Variants in SNRPN observed in about 807,000 individuals in gnomAD.
SNRPN encodes small nuclear ribonucleoprotein-associated protein N.
Under a neutral mutation model 25.2 loss-of-function variants are expected in SNRPN, and 7 were observed. The ratio of observed to expected loss-of-function variants is 0.28; its 90% confidence interval spans 0.16 to 0.52. SNRPN has a LOEUF of 0.52. Ranked by LOEUF, SNRPN falls within the 20% of genes least tolerant of loss-of-function variation. The probability of loss-of-function intolerance (pLI) is 0.96; values close to 1 mark genes in which losing one functional copy is unlikely to be tolerated. For missense variants in SNRPN, 196 were observed against 322.5 expected (o/e 0.61, Z 3.00); for synonymous variants, 124 against 110.6 (o/e 1.12, Z -0.76).
At chr15:24,957,888 C>G (rs2063184498) in intron 1 of SNRPN, among the ~76,000 whole-genome samples, 2 of 152,072 alleles carry the variant, frequency 1.3e-5, no homozygotes, top group South Asian at 4.1e-4. Context: ...TATGGCAGAT[C>G]CCTTTGGAAA....
chr15:24,872,078 A>G (rs1298214891), intron 1 of SNRPN, among the ~76,000 whole-genome samples: 1 of 120,294 alleles, frequency 8.3e-6, no homozygotes, highest in Non-Finnish European at 1.8e-5. Flanking sequence ...TAAAAAATAG[A>G]TGAATTTATC....
At chr15:24,957,731 T>C (rs972187269) in intron 1 of SNRPN, among the ~76,000 whole-genome samples, 1 of 152,140 alleles carries the variant, frequency 6.6e-6, no homozygotes, top group Admixed American at 6.5e-5. Context: ...ATATTTATAA[T>C]TTACCCTTTT....
chr15:24,833,865 TTGA>T (rs1431169369), intron 2 of SNRPN, among the ~76,000 whole-genome samples: 4 of 152,106 alleles, frequency 2.6e-5, no homozygotes, highest in Non-Finnish European at 2.9e-5. Flanking sequence ...TCCCAGCCTC[TTGA>T]TCTTTCCTGG....
intron 1 of SNRPN, among the ~76,000 whole-genome samples, chr15:24,864,611 T>A (rs904112811): frequency 1.3e-5 from 2 of 151,926 alleles, no homozygotes; most frequent in East Asian, 3.9e-4. Context: ...CCCAAAGTTC[T>A]GGGATTACAG....
intron 2 of SNRPN, among the ~76,000 whole-genome samples, chr15:24,889,090 A>C (rs979709730): frequency 6.7e-6 from 1 of 149,610 alleles, no homozygotes; most frequent in Admixed American, 6.7e-5. Context: ...GCTAATTTTT[A>C]TATTTTTAAT....
Position 24,977,862 on chromosome 15 carries a change from C to T in SNRPN, c.505C>T (p.Pro169Ser), listed in dbSNP as rs377153548. ...ASIAGAPTQY[P>S]PGRGTPPPPV... ...TATTGCTGGAGCCCCAACACAGTAC[C>T]CACCAGGACGGGGCACTCCGCCCCC... The change falls in exon 8 of 10, where the codon CCA (proline) becomes TCA (serine). Residue 169 changes from proline (P) to serine (S), a missense_variant. Coordinates refer to ENST00000390687, the MANE Select transcript of SNRPN (RefSeq NM_003097.6). The T allele has an allele frequency of 6.2e-7, 1 of 1,612,484 alleles. No homozygotes were observed. Among genetic ancestry groups the T allele is most frequent in the Non-Finnish European group, 8.5e-7 (1 of 1,179,150 alleles).
chr15:24,829,556 G>A (rs372519299), intron 1 of SNRPN, among the ~76,000 whole-genome samples: 15 of 152,170 alleles, frequency 9.9e-5, no homozygotes, highest in African/African-American at 3.6e-4. Flanking sequence ...AGCTCAGAAA[G>A]TGATGCAGGG....
intron 2 of SNRPN, among the ~76,000 whole-genome samples, chr15:24,965,266 G>A (rs538687997): frequency 1.8e-4 from 27 of 152,236 alleles, no homozygotes; most frequent in Non-Finnish European, 3.1e-4. Context: ...GGCTGGGTGC[G>A]GTGGCTCACG....
chr15:24,920,714 G>A (rs536743103), intron 3 of SNRPN, among the ~76,000 whole-genome samples: 2 of 152,278 alleles, frequency 1.3e-5, no homozygotes, highest in South Asian at 2.1e-4. Context: ...GGCAGCGGGC[G>A]TGTATAGAGG....
At chr15:24,857,072 G>T (rs181355833) in intron 1 of SNRPN, among the ~76,000 whole-genome samples, 7 of 152,276 alleles carry the variant, frequency 4.6e-5, no homozygotes, top group Admixed American at 4.6e-4. Flanking sequence ...TGAGGCACAA[G>T]ATCACATATG....
At chr15:24,925,028 G>A (rs1361324163) in intron 3 of SNRPN, among the ~76,000 whole-genome samples, 1 of 152,086 alleles carries the variant, frequency 6.6e-6, no homozygotes, top group Non-Finnish European at 1.5e-5. Flanking sequence ...CTATTAGCTA[G>A]TATAAACTCT....
At chr15:24,886,048 C>T (rs2057178205) in intron 1 of SNRPN, among the ~76,000 whole-genome samples, 1 of 151,304 alleles carries the variant, frequency 6.6e-6, no homozygotes, top group Non-Finnish European at 1.5e-5. Context: ...TTATTCTTAA[C>T]CAAACATTAG....
intron 1 of SNRPN, among the ~76,000 whole-genome samples, chr15:24,859,451 A>G (rs1366736886): frequency 1.3e-5 from 2 of 152,204 alleles, no homozygotes; most frequent in Non-Finnish European, 2.9e-5. Context: ...CTCACTAGCA[A>G]ATTTCATACA....
intron 1 of SNRPN, 117 bp downstream of exon 1, chr15:24,955,179 A>C (rs771598877): frequency 7.2e-7 from 1 of 1,389,764 alleles, no homozygotes; most frequent in Non-Finnish European, 1.0e-6. Context: ...TTGGGCCCTA[A>C]AGTCCTTTGT....
chr15:24,878,454 C>T (rs970159829), intron 1 of SNRPN, among the ~76,000 whole-genome samples: 2 of 152,246 alleles, frequency 1.3e-5, no homozygotes, highest in Admixed American at 6.5e-5. Flanking sequence ...ATTGGGGCGC[C>T]TTTTCTCCTT....
At chr15:24,874,551 C>T (rs1290817797) in intron 1 of SNRPN, among the ~76,000 whole-genome samples, 3 of 152,064 alleles carry the variant, frequency 2.0e-5, no homozygotes, top group Admixed American at 6.6e-5. Flanking sequence ...CTTTTAACAA[C>T]GTTCAAGTAC....
intron 3 of SNRPN, among the ~76,000 whole-genome samples, chr15:24,973,273 C>G (rs990312813): frequency 1.3e-5 from 2 of 152,144 alleles, no homozygotes; most frequent in African/African-American, 4.8e-5. Flanking sequence ...TAGGATCTAC[C>G]ATATTGCCTA....
At chr15:24,894,434 GT>G (rs746439032) in intron 2 of SNRPN, among the ~76,000 whole-genome samples, 30 of 152,220 alleles carry the variant, frequency 2.0e-4, no homozygotes, top group East Asian at 1.2e-3. Context: ...TAGCCAGGAT[GT>G]GTCTTGATCT....
intron 2 of SNRPN, among the ~76,000 whole-genome samples, chr15:24,888,404 C>A (rs1488915278): frequency 6.6e-6 from 1 of 152,122 alleles, no homozygotes; most frequent in African/African-American, 2.4e-5. Flanking sequence ...CCACGCCTGG[C>A]CAGGAATGAC....
Sources: allele counts gnomAD v4.1 joint callset (sites outside exome capture counted in the v4.1 genomes callset), GRCh38; gene constraint gnomAD v4.1.1; transcripts MANE v1.5; gene names NCBI Gene and HGNC (gene_info 2026-07-23, HGNC 2026-07-21).